Variants in CTNNA3 observed in about 807,000 individuals in gnomAD.
CTNNA3 encodes catenin alpha 3.
A neutral mutation model predicts 95.7 loss-of-function variants in CTNNA3; 76 were observed. The ratio of observed to expected loss-of-function variants is 0.79; its 90% CI spans 0.66 to 0.96. The LOEUF (loss-of-function observed/expected upper bound fraction) is 0.96, where lower values mean the gene tolerates loss of function less well. Ranked by LOEUF, CTNNA3 falls within the 40% of genes least tolerant of loss-of-function variation. The pLI, the probability that CTNNA3 is intolerant of heterozygous loss-of-function variation, is 0.00. For missense variants in CTNNA3, 1,191 were observed against 1,089.8 expected (o/e 1.09, Z -1.31); for synonymous variants, 431 against 374.4 (o/e 1.15, Z -1.74).
At chr10:67,699,295 T>C (rs1441080481), upstream of CTNNA3, among the ~76,000 whole-genome samples, 1 of 152,146 alleles carries the variant, frequency 6.6e-6, no homozygotes, top group Non-Finnish European at 1.5e-5. Flanking sequence ...CCCAAATGAG[T>C]TGTCCACCAC....
chr10:66,615,980 T>C (rs1176701702), intron 10 of CTNNA3, among the ~76,000 whole-genome samples: 5 of 152,070 alleles, frequency 3.3e-5, no homozygotes, highest in Non-Finnish European at 7.4e-5. Context: ...ATAAAATGTT[T>C]ACTTTTTCAG....
intron 9 of CTNNA3, among the ~76,000 whole-genome samples, chr10:66,684,370 A>G (rs921179452): frequency 6.6e-6 from 1 of 152,328 alleles, no homozygotes; most frequent in African/African-American, 2.4e-5. Flanking sequence ...GAAGTATATT[A>G]TGGGGTAAAA....
At chr10:65,925,779 T>G (rs752023650) in intron 17 of CTNNA3, among the ~76,000 whole-genome samples, 1 of 152,162 alleles carries the variant, frequency 6.6e-6, no homozygotes, top group African/African-American at 2.4e-5. Flanking sequence ...CTACTGACTT[T>G]TTCACTGTAG....
chr10:67,373,095 A>G (rs901775756), intron 5 of CTNNA3, among the ~76,000 whole-genome samples: 1 of 152,184 alleles, frequency 6.6e-6, no homozygotes, highest in Admixed American at 6.6e-5. Context: ...CAGCTAACAT[A>G]ATAATGACAG....
At chr10:66,869,832 T>C (rs1844329352) in intron 7 of CTNNA3, among the ~76,000 whole-genome samples, 2 of 152,172 alleles carry the variant, frequency 1.3e-5, no homozygotes, top group Admixed American at 6.5e-5. Context: ...TAGCTGAGTG[T>C]AACCCAAGGC....
rs77377596 is a variant in CTNNA3, at chr10:66,639,421, G to A, written c.1282-17637C>T. On this transcript the variant is annotated intron_variant, in intron 9 of 17. Transcript: ENST00000433211. ...GGTTGCGCTATGAATATAGGAAGCA[G>A]TATGATTTGAAAAAAGGAGAAATGG... Among the ~76,000 whole-genome samples, 596 of 152,268 alleles carry A rather than the reference G, an allele frequency of 3.9e-3. 7 individuals are homozygous for A. The highest frequency in any genetic ancestry group is 0.013 in the African/African-American group (555 of 41,572).
At chr10:67,480,552 C>T (rs928720113) in intron 5 of CTNNA3, among the ~76,000 whole-genome samples, 2 of 152,216 alleles carry the variant, frequency 1.3e-5, no homozygotes, top group South Asian at 4.1e-4. Context: ...CTGCTCAAGG[C>T]GTTCCTAAAC....
At chr10:67,706,285 C>T (rs2133607717) in intron 1 of CTNNA3, among the ~76,000 whole-genome samples, 1 of 151,816 alleles carries the variant, frequency 6.6e-6, no homozygotes, top group Non-Finnish European at 1.5e-5. Context: ...CTTGTAAGCA[C>T]ATAGTTGGAT....
chr10:67,620,655 G>A (rs956691052), intron 2 of CTNNA3, among the ~76,000 whole-genome samples: 22 of 152,128 alleles, frequency 1.4e-4, no homozygotes, highest in African/African-American at 4.6e-4. Flanking sequence ...AAAAAGGAAA[G>A]CTACATTAAA....
At chr10:67,307,478 GTTT>G (rs1271816225) in intron 5 of CTNNA3, among the ~76,000 whole-genome samples, 10 of 151,998 alleles carry the variant, frequency 6.6e-5, no homozygotes, top group East Asian at 3.9e-4. Flanking sequence ...TTGTTTGTTT[GTTT>G]GTTTGGTTGG....
At chr10:66,385,365 C>A (rs2092880679) in intron 11 of CTNNA3, among the ~76,000 whole-genome samples, 1 of 152,158 alleles carries the variant, frequency 6.6e-6, no homozygotes, top group Admixed American at 6.5e-5. Flanking sequence ...TTCCTCGACA[C>A]ATATAACCTC....
At chr10:67,583,251 C>T (rs1250686909) in intron 3 of CTNNA3, among the ~76,000 whole-genome samples, 1 of 152,100 alleles carries the variant, frequency 6.6e-6, no homozygotes, top group Non-Finnish European at 1.5e-5. Context: ...TAGGGCAGGC[C>T]TGCTGGTGAC....
chr10:66,331,926 A>G lies in CTNNA3; in HGVS notation c.1732+47226T>C, dbSNP rs571193847. On this transcript the variant is annotated intron_variant, in intron 12 of 17. Coordinates refer to ENST00000433211, the MANE Select transcript of CTNNA3 (RefSeq NM_013266.4). Reference sequence around the variant, plus strand: ...CATTTTCACGATATTGATTCTTCCTACCCATGAGCATGGAATGTTCTTCCA... The same window carrying G: ...CATTTTCACGATATTGATTCTTCCTGCCCATGAGCATGGAATGTTCTTCCA... 3.3e-3 allele frequency among the ~76,000 whole-genome samples: 502 copies of G among 152,046 alleles called. 3 individuals are homozygous for G. Among genetic ancestry groups the G allele is most frequent in the African/African-American group, 0.011 (475 of 41,478 alleles).
intron 11 of CTNNA3, among the ~76,000 whole-genome samples, chr10:66,453,444 A>G (rs2093477446): frequency 6.6e-6 from 1 of 152,226 alleles, no homozygotes; most frequent in African/African-American, 2.4e-5. Context: ...CCAGGTAACT[A>G]AAGCCCCAGC....
chr10:66,737,935 G>T (rs898433906), intron 9 of CTNNA3, among the ~76,000 whole-genome samples: 1 of 152,144 alleles, frequency 6.6e-6, no homozygotes, highest in Non-Finnish European at 1.5e-5. Flanking sequence ...GGGATTACAG[G>T]CATGAGCCAT....
At chr10:66,207,466 G>A (rs1217088828) in intron 13 of CTNNA3, among the ~76,000 whole-genome samples, 1 of 151,882 alleles carries the variant, frequency 6.6e-6, no homozygotes, top group Non-Finnish European at 1.5e-5. Flanking sequence ...ACCCATGTTT[G>A]AGATATCCGC....
intron 12 of CTNNA3, among the ~76,000 whole-genome samples, chr10:66,376,730 G>A (rs190955121): frequency 2.6e-5 from 4 of 152,168 alleles, no homozygotes; most frequent in Non-Finnish European, 4.4e-5. Context: ...CCTGAAGACT[G>A]TATAAAAGAA....
chr10:66,208,328 G>A (rs956267960), intron 13 of CTNNA3, among the ~76,000 whole-genome samples: 2 of 152,092 alleles, frequency 1.3e-5, no homozygotes, highest in Admixed American at 6.6e-5. Flanking sequence ...ACAGGAAATA[G>A]ATTACAAAGA....
In CTNNA3 at chr10:65,920,251, A is replaced by G; in HGVS notation, c.*79T>C. On this transcript the variant is annotated 3_prime_UTR_variant, in exon 18 of 18. Coordinates refer to ENST00000433211, the MANE Select transcript of CTNNA3 (RefSeq NM_013266.4). Reference sequence around the variant, plus strand: ...AAACACCAAAACTTAGTGAAATTACAGAACTTCTTAAGTGTAAAATAAAGC... The same window carrying G: ...AAACACCAAAACTTAGTGAAATTACGGAACTTCTTAAGTGTAAAATAAAGC... The G allele has an allele frequency of 1.6e-6, 2 of 1,248,482 alleles. No homozygotes were observed. Among genetic ancestry groups the G allele is most frequent in the Non-Finnish European group, 2.3e-6 (2 of 888,090 alleles). The allele number at this position is 1,248,482 out of a possible 1,614,324, so 77.3% of individuals were successfully genotyped here.
Sources: allele counts gnomAD v4.1 joint callset (sites outside exome capture counted in the v4.1 genomes callset), GRCh38; gene constraint gnomAD v4.1.1; transcripts MANE v1.5; gene names NCBI Gene and HGNC (gene_info 2026-07-23, HGNC 2026-07-21).